Variants in GSE1 observed in about 807,000 individuals in gnomAD.
GSE1 encodes the protein genetic suppressor element 1.
In GSE1, 32 loss-of-function variants were observed where a neutral mutation model predicts 112.6. The observed-to-expected ratio is 0.28, with a 90% CI of 0.21 to 0.38. The LOEUF is 0.38. GSE1 is among the 10% of genes least tolerant of loss of function. The pLI is 1.00. For synonymous variants in GSE1, 1,115 were observed against 735.6 expected (o/e 1.52, Z -8.35); for missense variants, 2,348 against 1,699.2 (o/e 1.38, Z -6.71).
At chr16:85,478,915 CTTTCTTTCTTTCTCTT>C (rs1354181723) in intron 2 of GSE1, among the ~76,000 whole-genome samples, 909 of 51,072 alleles carry the variant, frequency 0.018, 8 homozygotes, top group African/African-American at 0.042. Flanking sequence ...TTCTTTCTTT[CTTTCTTTCTTTCTCTT>C]TCTTTCTTTC....
At position 85,278,002 on chromosome 16, in the gene GSE1, C is replaced by T. The variant is rs116922272; in HGVS notation, c.2284-79461C>T. On this transcript the variant is annotated intron_variant, in intron 1 of 2. Coordinates refer to the GSE1 transcript ENST00000637419. ...GGTGGGAAAGCAGGCTTCACGACTC[C>T]ATTGAGAGCAGTCACAATATTGGCG... 5.8e-3 allele frequency among the ~76,000 whole-genome samples: 891 copies of T among 152,380 alleles called. 6 individuals carry two copies. The highest frequency in any genetic ancestry group is 0.014 in the Middle Eastern group (4 of 294).
At position 85,414,179 on chromosome 16, in the gene GSE1, A is replaced by G. The variant is rs556972920; in HGVS notation, c.2464+56536A>G. 3.3e-5 allele frequency among the ~76,000 whole-genome samples: 5 copies of G among 152,288 alleles called. No homozygotes were observed. In the East Asian group the frequency reaches 9.7e-4, roughly 29 times the overall value. On this transcript the variant is annotated intron_variant, in intron 2 of 2. Coordinates refer to the GSE1 transcript ENST00000637419. Reference sequence around the variant, plus strand: ...CGCTCCCCTTCCATGCCACAGGTCTATGGGATGAGGAGTCAAGCTAGACAC... The same window carrying G: ...CGCTCCCCTTCCATGCCACAGGTCTGTGGGATGAGGAGTCAAGCTAGACAC...
chr16:85,236,124 C>A (rs1320862151), intron 1 of GSE1, among the ~76,000 whole-genome samples: 1 of 152,102 alleles, frequency 6.6e-6, no homozygotes, highest in African/African-American at 2.4e-5. Flanking sequence ...AGGCTGTAAG[C>A]TGGGCCACCG....
chr16:85,449,048 G>A (rs1188520211), intron 2 of GSE1, among the ~76,000 whole-genome samples: 1 of 152,132 alleles, frequency 6.6e-6, no homozygotes, highest in Non-Finnish European at 1.5e-5. Flanking sequence ...AAGGCAGGTG[G>A]CCGGGCGCAG....
intron 1 of GSE1, among the ~76,000 whole-genome samples, chr16:85,174,051 C>G (rs576777871): frequency 1.3e-5 from 2 of 152,314 alleles, no homozygotes; most frequent in East Asian, 3.9e-4. Flanking sequence ...TCCCTACGCC[C>G]TCTTCCACCA....
intron 1 of GSE1, among the ~76,000 whole-genome samples, chr16:85,174,715 A>G (rs1414283051): frequency 1.3e-5 from 2 of 152,138 alleles, no homozygotes; most frequent in African/African-American, 4.8e-5. Context: ...GTAGCCGAGC[A>G]GATTAAACTT....
chr16:85,348,967 C>T (rs964726906), intron 1 of GSE1, among the ~76,000 whole-genome samples: 1 of 152,026 alleles, frequency 6.6e-6, no homozygotes, highest in African/African-American at 2.4e-5. Flanking sequence ...CCCTGCCGCT[C>T]CCCAACCCCA....
At chr16:85,555,682 C>T, upstream of GSE1, 1 of 940,876 alleles carries the variant, frequency 1.1e-6, no homozygotes, top group Non-Finnish European at 1.3e-6. Flanking sequence ...GCCGCCCCCC[C>T]CTTCCTTTTT....
At chr16:85,612,261 CGGGGT>C (rs1405931783), upstream of GSE1, among the ~76,000 whole-genome samples, 19 of 123,918 alleles carry the variant, frequency 1.5e-4, no homozygotes, top group South Asian at 8.9e-4. Context: ...CGGGGCGGGG[CGGGGT>C]GGGCGGAGCC....
At chr16:85,557,802 ACTC>A (rs1393380479) in intron 1 of GSE1, among the ~76,000 whole-genome samples, 1 of 145,932 alleles carries the variant, frequency 6.9e-6, no homozygotes, top group East Asian at 2.0e-4. Context: ...GGCAGGAGAG[ACTC>A]CTCCTGGAGG....
At chr16:85,296,420 C>T (rs1031650804) in intron 1 of GSE1, among the ~76,000 whole-genome samples, 1 of 152,114 alleles carries the variant, frequency 6.6e-6, no homozygotes, top group African/African-American at 2.4e-5. Context: ...GCCTGGGCAA[C>T]ATGGTGAAAC....
intron 2 of GSE1, among the ~76,000 whole-genome samples, chr16:85,401,968 C>G (rs906685720): frequency 2.6e-5 from 4 of 152,212 alleles, no homozygotes; most frequent in African/African-American, 9.7e-5. Context: ...AGGTGCAGCT[C>G]AGTGTCTGGA....
At chr16:85,210,900 C>T (rs866410069) in intron 1 of GSE1, among the ~76,000 whole-genome samples, 2 of 152,208 alleles carry the variant, frequency 1.3e-5, no homozygotes, top group Non-Finnish European at 2.9e-5. Context: ...CCCAAGCAAG[C>T]TGTGTGATCT....
intron 1 of GSE1, among the ~76,000 whole-genome samples, chr16:85,303,460 A>T (rs2045580485): frequency 6.6e-6 from 1 of 152,186 alleles, no homozygotes; most frequent in South Asian, 2.1e-4. Context: ...CCTAGCCACC[A>T]GAGGGCGCCG....
intron 1 of GSE1, among the ~76,000 whole-genome samples, chr16:85,309,917 C>T (rs1305052693): frequency 6.6e-6 from 1 of 152,208 alleles, no homozygotes; most frequent in African/African-American, 2.4e-5. Context: ...CGCCCCAGCT[C>T]AGGAACAGAC....
intron 1 of GSE1, among the ~76,000 whole-genome samples, chr16:85,353,326 T>A (rs2046888013): frequency 6.6e-6 from 1 of 152,242 alleles, no homozygotes; most frequent in Non-Finnish European, 1.5e-5. Context: ...CAAGTTCGTG[T>A]GCGGATGGCT....
intron 2 of GSE1, among the ~76,000 whole-genome samples, chr16:85,548,925 G>T (rs1263637860): frequency 6.6e-6 from 1 of 152,174 alleles, no homozygotes; most frequent in Non-Finnish European, 1.5e-5. Flanking sequence ...GAGTAGCTGG[G>T]ATTACAGGCG....
intron 2 of GSE1, among the ~76,000 whole-genome samples, chr16:85,509,783 G>T (rs1388432482): frequency 6.6e-6 from 1 of 152,174 alleles, no homozygotes; most frequent in African/African-American, 2.4e-5. Flanking sequence ...GAGGGTAAAT[G>T]TGTGTGTGTG....
In GSE1 at chr16:85,516,153, C is replaced by T. The variant is rs190200999; in HGVS notation, c.2465-117761C>T. 3.1e-3 allele frequency among the ~76,000 whole-genome samples: 479 copies of T among 152,174 alleles called. 2 individuals are homozygous for T. Among genetic ancestry groups the T allele is most frequent in the African/African-American group, 0.011 (461 of 41,496 alleles). On this transcript the variant is annotated intron_variant, in intron 2 of 2. Transcript: ENST00000637419. ...TCCCTGCTGGGGACAGATTGTGTCA[C>T]GTGAGCCTCACAGGGACCAGACCCC...
Sources: gnomAD v4.1 joint callset for allele counts (sites outside exome capture counted in the v4.1 genomes callset) on GRCh38, gnomAD v4.1.1 for gene constraint, MANE v1.5 for transcripts, NCBI Gene and HGNC (gene_info 2026-07-23, HGNC 2026-07-21) for gene names.